Variants in MTMR10 observed in about 807,000 individuals in gnomAD.
MTMR10 encodes myotubularin related protein 10, also known as myotubularin-related protein 10.
In MTMR10, 56 loss-of-function variants were observed where a neutral mutation model predicts 88.1. The observed-to-expected ratio is 0.64, with a 90% CI of 0.51 to 0.79. The LOEUF (loss-of-function observed/expected upper bound fraction) is 0.79. Ranked by LOEUF, MTMR10 falls within the 30% of genes least tolerant of loss-of-function variation. The probability of loss-of-function intolerance (pLI) is 0.00; values close to 1 mark genes in which losing one functional copy is unlikely to be tolerated. For synonymous variants in MTMR10, 380 were observed against 340.9 expected, an observed-to-expected ratio of 1.11 and a Z score of -1.26; for missense variants, 883 against 924.7, an observed-to-expected ratio of 0.95 and a Z score of 0.58.
intron 5 of MTMR10, among the ~76,000 whole-genome samples, chr15:30,970,969 T>C (rs562415628): frequency 6.6e-6 from 1 of 152,278 alleles, no homozygotes; most frequent in East Asian, 1.9e-4. Flanking sequence ...ATAACTTATG[T>C]TCATATGACC....
At chr15:30,965,475 CATCTT>C (rs1278926006) in intron 6 of MTMR10, among the ~76,000 whole-genome samples, 5 of 152,186 alleles carry the variant, frequency 3.3e-5, no homozygotes, top group African/African-American at 1.2e-4. Context: ...CATAATCTGA[CATCTT>C]ATCAATTCTA....
the MTMR10 span, chr15:30,928,137 G>A: frequency 9.5e-5 from 96 of 1,007,962 alleles, no homozygotes; most frequent in Non-Finnish European, 3.6e-5. Context: ...TTCTTCAGGG[G>A]TGGCCCAGGG....
intron 2 of MTMR10, among the ~76,000 whole-genome samples, chr15:30,986,649 A>G (rs910456260): frequency 6.6e-6 from 1 of 152,238 alleles, no homozygotes; most frequent in African/African-American, 2.4e-5. Context: ...TCTTTATTAA[A>G]GAAAACTGCA....
At chr15:30,960,255 G>A (rs187656823) in intron 7 of MTMR10, among the ~76,000 whole-genome samples, 18 of 125,244 alleles carry the variant, frequency 1.4e-4, no homozygotes, top group African/African-American at 4.4e-4. Flanking sequence ...CCCACTGGTC[G>A]TCAGGATTAC....
At chr15:30,932,735 A>G in the MTMR10 span, among the ~76,000 whole-genome samples, 2 of 131,684 alleles carry the variant, frequency 1.5e-5, no homozygotes, top group African/African-American at 2.9e-5. Flanking sequence ...TTTTTTTGAG[A>G]TGGAGTCTCG....
chr15:30,937,109 T>C, downstream of MTMR10: 1 of 1,604,734 alleles, frequency 6.2e-7, no homozygotes, highest in South Asian at 1.1e-5. Context: ...TTTAAAAATT[T>C]CTTTTCCAGC....
the MTMR10 span, chr15:30,925,759 C>A: frequency 6.2e-7 from 1 of 1,612,634 alleles, no homozygotes; most frequent in Non-Finnish European, 8.5e-7. Context: ...TGACCTGAGG[C>A]TAATAGATGT....
At chr15:30,923,254 G>A in the MTMR10 span, among the ~76,000 whole-genome samples, 1 of 152,174 alleles carries the variant, frequency 6.6e-6, no homozygotes, top group African/African-American at 2.4e-5. Flanking sequence ...ATGGAGGAGG[G>A]TGTGGGGCTT....
In MTMR10 at chr15:30,940,855, T is replaced by C. The variant is rs571620335; in HGVS notation, c.*615A>G. Reference sequence around the variant, plus strand: ...AGTTTAATTATCTGCAGCAAATGCTTTAAAATTAACAGTGCATATCATTTT... The same window carrying C: ...AGTTTAATTATCTGCAGCAAATGCTCTAAAATTAACAGTGCATATCATTTT... On this transcript the variant is annotated 3_prime_UTR_variant, in exon 16 of 16. Transcript: ENST00000435680. 4.9e-4 allele frequency: 490 copies of C among 990,150 alleles called. No individual in the cohort carries two copies. Among genetic ancestry groups the C allele is most frequent in the Non-Finnish European group, 5.7e-4 (478 of 832,772 alleles). The allele number at this position is 990,150 out of a possible 1,614,324, so 61.3% of individuals were successfully genotyped here. A position where few individuals can be genotyped will look rare whatever the true frequency, so the allele number is the denominator to read the frequency against.
chr15:30,933,777 T>C, the MTMR10 span, among the ~76,000 whole-genome samples: 1 of 152,000 alleles, frequency 6.6e-6, no homozygotes, highest in African/African-American at 2.4e-5. Flanking sequence ...TTTTGTTTTT[T>C]GAGACAGACT....
chr15:30,979,392 C>T (rs911648460), intron 2 of MTMR10, among the ~76,000 whole-genome samples: 1 of 140,250 alleles, frequency 7.1e-6, no homozygotes, highest in Non-Finnish European at 1.6e-5. Context: ...AAACCCATCT[C>T]TATTAAAAAA....
the MTMR10 span, among the ~76,000 whole-genome samples, chr15:30,925,459 C>T: frequency 3.3e-5 from 5 of 152,208 alleles, no homozygotes; most frequent in African/African-American, 9.7e-5. Flanking sequence ...CTCCCCCTAA[C>T]GCCCTCCTCC....
At position 30,986,095 on chromosome 15, in the gene MTMR10, T is replaced by C. The variant is rs150984943; in HGVS notation, c.121+4682A>G. Among the ~76,000 whole-genome samples, 854 of 152,144 alleles carry C rather than the reference T, an allele frequency of 5.6e-3. 15 individuals carry two copies. Among genetic ancestry groups the C allele is most frequent in the African/African-American group, 0.018 (745 of 41,482 alleles). ...ACTTTGGGAGGCCAAGGTGAGCCAA[T>C]TGCTTGAGCCCAGGAGTTCGAAACC... On this transcript the variant is annotated intron_variant, in intron 2 of 15. Transcript: ENST00000435680.
At chr15:30,929,297 A>G in the MTMR10 span, 1 of 1,613,074 alleles carries the variant, frequency 6.2e-7, no homozygotes. Flanking sequence ...GCCCCCGAGG[A>G]GAGCCTGCGG....
At chr15:30,925,129 T>C in the MTMR10 span, 33 of 1,612,436 alleles carry the variant, frequency 2.0e-5, no homozygotes, top group Non-Finnish European at 2.7e-5. Context: ...TCTGCCAGAC[T>C]ATCAAGTGCA....
intron 9 of MTMR10, among the ~76,000 whole-genome samples, chr15:30,955,358 C>T (rs1003629797): frequency 6.6e-6 from 1 of 152,194 alleles, no homozygotes; most frequent in Non-Finnish European, 1.5e-5. Flanking sequence ...GCAACCTCCC[C>T]CTCCCGGGTT....
the MTMR10 span, among the ~76,000 whole-genome samples, chr15:30,923,558 C>T: frequency 5.9e-5 from 9 of 152,308 alleles, no homozygotes; most frequent in African/African-American, 2.2e-4. Context: ...TTACCTCAGT[C>T]TCCAGGGAAG....
At chr15:30,989,939 C>A (rs1032804366) in intron 2 of MTMR10, among the ~76,000 whole-genome samples, 1 of 152,092 alleles carries the variant, frequency 6.6e-6, no homozygotes, top group Non-Finnish European at 1.5e-5. Context: ...CCCTAATAAT[C>A]GCATTAAACA....
chr15:30,928,331 T>G, the MTMR10 span: 740 of 1,301,022 alleles, frequency 5.7e-4, 1 homozygote, highest in Non-Finnish European at 7.0e-4. Context: ...TTTCTATGAT[T>G]ACTAAGATTT....
Sources: allele counts gnomAD v4.1 joint callset (sites outside exome capture counted in the v4.1 genomes callset), GRCh38; gene constraint gnomAD v4.1.1; transcripts MANE v1.5; gene names NCBI Gene and HGNC (gene_info 2026-07-23, HGNC 2026-07-21).